FRY: variants seen among roughly 807,000 people sequenced by gnomAD.
FRY encodes the protein protein furry homolog.
Under a neutral mutation model 348.4 loss-of-function variants are expected in FRY, and 128 were observed. That is an observed-to-expected ratio of 0.37 (90% CI 0.32 to 0.43). The LOEUF is 0.43. Among genes scored for constraint, FRY ranks in the 20% least tolerant of loss-of-function variants. The pLI is 1.00. For missense variants in FRY, 2,736 were observed against 3,695.2 expected, an observed-to-expected ratio of 0.74 and a Z score of 6.73; for synonymous variants, 1,370 against 1,374.7, an observed-to-expected ratio of 1.00 and a Z score of 0.08.
At chr13:32,094,185 C>T (rs950724939) in intron 2 of FRY, among the ~76,000 whole-genome samples, 1 of 152,002 alleles carries the variant, frequency 6.6e-6, no homozygotes, top group Non-Finnish European at 1.5e-5. Flanking sequence ...AGAAGCATAC[C>T]TTTACAGTTC....
At chr13:32,093,494 C>A (rs929866788) in intron 2 of FRY, among the ~76,000 whole-genome samples, 1 of 152,064 alleles carries the variant, frequency 6.6e-6, no homozygotes, top group Non-Finnish European at 1.5e-5. Flanking sequence ...ATCTTTTTGG[C>A]GTAACGTAAT....
At chr13:32,244,209 C>A (rs780475511) in intron 47 of FRY, 27 bp downstream of exon 47, 3 of 1,604,402 alleles carry the variant, frequency 1.9e-6, no homozygotes, top group Non-Finnish European at 1.7e-6. Flanking sequence ...CTTCACTAAG[C>A]AACCAGTCGT....
At chr13:32,112,574 TTGCAATTGAATG>T (rs1389627617) in intron 3 of FRY, among the ~76,000 whole-genome samples, 11 of 152,238 alleles carry the variant, frequency 7.2e-5, no homozygotes, top group Admixed American at 1.3e-4. Flanking sequence ...CTGTAACTAT[TTGCAATTGAATG>T]TGACTTATAT....
chr13:32,295,763 C>T lies in FRY; in HGVS notation c.*303C>T, dbSNP rs996659750. On this transcript the variant is annotated 3_prime_UTR_variant, in exon 61 of 61. Coordinates refer to ENST00000542859, the MANE Select transcript of FRY (RefSeq NM_023037.3). ...AGTGACTTCCGTTGCATACCAAAGC[C>T]GACTACACTGAACAGTACCTTCCTT... 38 of 486,038 alleles carry T rather than the reference C, an allele frequency of 7.8e-5. No individual in the cohort carries two copies. The highest frequency in any genetic ancestry group is 1.5e-4 in the East Asian group (4 of 27,268). The allele number at this position is 486,038 out of a possible 1,614,324, so 30.1% of individuals were successfully genotyped here. A position where few individuals can be genotyped will look rare whatever the true frequency, so the allele number is the denominator to read the frequency against.
intron 15 of FRY, among the ~76,000 whole-genome samples, chr13:32,156,615 A>G (rs990112956): frequency 6.6e-6 from 1 of 152,012 alleles, no homozygotes; most frequent in Non-Finnish European, 1.5e-5. Context: ...AAAAAAAAAA[A>G]AAAAAACAGA....
rs1337681944 is a variant in FRY at position 32,239,035 on chromosome 13, G to T, written c.6419-217G>T. Among the ~76,000 whole-genome samples, 2 of 152,170 alleles carry T rather than the reference G, an allele frequency of 1.3e-5. No individual in the cohort carries two copies. The highest frequency in any genetic ancestry group is 2.9e-5 in the Non-Finnish European group (2 of 68,028). The stretch of plus-strand genomic sequence containing the variant: ...AATAGTCCAGTGCAAGATAATCACT[G>T]CATCTTAAAATCGCAGATCTACTTT... On this transcript the variant is annotated intron_variant, in intron 44 of 60. Transcript: ENST00000542859. The surrounding 1 kb of genome is among the most constrained non-coding windows in gnomAD (Gnocchi z 4.3).
intron 2 of FRY, among the ~76,000 whole-genome samples, chr13:32,092,174 T>C (rs1447985302): frequency 6.6e-6 from 1 of 152,230 alleles, no homozygotes; most frequent in Non-Finnish European, 1.5e-5. Context: ...AGGGCAGTAA[T>C]ACTTTGGATC....
chr13:32,093,071 C>A (rs553046037), intron 2 of FRY, among the ~76,000 whole-genome samples: 1 of 152,202 alleles, frequency 6.6e-6, no homozygotes, highest in Non-Finnish European at 1.5e-5. Context: ...CAACAATTAT[C>A]AACTCATAGC....
At chr13:32,149,126 TC>T (rs1252601462) in intron 13 of FRY, among the ~76,000 whole-genome samples, 3 of 148,494 alleles carry the variant, frequency 2.0e-5, no homozygotes, top group Non-Finnish European at 3.0e-5. Context: ...TATATATATT[TC>T]TGTTATATAT....
chr13:32,193,867 C>T (rs1268642579), intron 28 of FRY, among the ~76,000 whole-genome samples: 22 of 152,248 alleles, frequency 1.4e-4, no homozygotes, highest in African/African-American at 9.6e-5. Context: ...GGATTCCAGG[C>T]GTGAGCCACC....
rs1321220994 is a variant in FRY, at chr13:32,152,105, GA to G, written c.1479+2273del. On this transcript the variant is annotated intron_variant, in intron 14 of 60. Coordinates refer to ENST00000542859, the MANE Select transcript of FRY (RefSeq NM_023037.3). The stretch of plus-strand genomic sequence containing the variant: ...TTACTAAATCCTGAGAGAAATCAAA[GA>G]AGACCCAAATAGTGAAGAGAAATAA... 2.0e-5 allele frequency among the ~76,000 whole-genome samples: 3 copies of G among 152,216 alleles called. No homozygotes were observed. In the East Asian group the frequency reaches 5.8e-4, roughly 29 times the overall value.
At chr13:32,106,861 C>A (rs1877584167) in intron 3 of FRY, among the ~76,000 whole-genome samples, 1 of 152,208 alleles carries the variant, frequency 6.6e-6, no homozygotes, top group Non-Finnish European at 1.5e-5. Flanking sequence ...CAAAGTAGAA[C>A]TATTTACAGT....
chr13:32,092,203 C>T (rs981689763), intron 2 of FRY, among the ~76,000 whole-genome samples: 1 of 152,204 alleles, frequency 6.6e-6, no homozygotes, highest in Non-Finnish European at 1.5e-5. Context: ...TTAGTGAAAT[C>T]TTACCTGTGT....
chr13:32,209,738 G>A lies in FRY; in HGVS notation c.4422+7G>A, dbSNP rs1884575717. 1.9e-6 allele frequency: 3 copies of A among 1,613,924 alleles called. No individual in the cohort carries two copies. Among genetic ancestry groups the A allele is most frequent in the Non-Finnish European group, 2.5e-6 (3 of 1,179,846 alleles). ...CACAGTTCTCCTACCCTATGTAAGT[G>A]TCTCTCAGCCCTTCAAGAGTGATTA... On this transcript the variant is annotated splice_region_variant and intron_variant, in intron 33 of 60. Coordinates refer to ENST00000542859, the MANE Select transcript of FRY (RefSeq NM_023037.3).
chr13:32,099,029 T>C (rs1876970652), intron 2 of FRY, among the ~76,000 whole-genome samples: 1 of 151,876 alleles, frequency 6.6e-6, no homozygotes, highest in African/African-American at 2.4e-5. Flanking sequence ...GGGTGGGGCT[T>C]GTATATGCCT....
At chr13:32,270,500 C>T (rs1010726919) in intron 55 of FRY, among the ~76,000 whole-genome samples, 1 of 152,214 alleles carries the variant, frequency 6.6e-6, no homozygotes, top group Non-Finnish European at 1.5e-5. Context: ...CGCCACGGCG[C>T]CCGACCTCTA....
intron 2 of FRY, among the ~76,000 whole-genome samples, chr13:32,094,113 G>A (rs935412407): frequency 6.6e-6 from 1 of 152,096 alleles, no homozygotes; most frequent in African/African-American, 2.4e-5. Context: ...TAAAAACCAG[G>A]ATATCTGAAT....
At chr13:32,074,444 T>C (rs1874887076) in intron 1 of FRY, among the ~76,000 whole-genome samples, 1 of 152,134 alleles carries the variant, frequency 6.6e-6, no homozygotes, top group Admixed American at 6.5e-5. Context: ...AATGCTCTTC[T>C]CCTCCACTCC....
At chr13:32,145,083 G>A (rs1281492770) in intron 11 of FRY, among the ~76,000 whole-genome samples, 1 of 152,204 alleles carries the variant, frequency 6.6e-6, no homozygotes, top group Non-Finnish European at 1.5e-5. Context: ...CATGGAAATA[G>A]AATGAACGTG....
Sources: gnomAD v4.1 joint callset for allele counts (sites outside exome capture counted in the v4.1 genomes callset) on GRCh38, gnomAD v4.1.1 for gene constraint, Gnocchi (gnomAD v3.1) non-coding constraint, MANE v1.5 for transcripts, NCBI Gene and HGNC (gene_info 2026-07-23, HGNC 2026-07-21) for gene names.